PCLO: variants seen among roughly 807,000 people sequenced by gnomAD.
PCLO encodes piccolo presynaptic cytomatrix protein.
Under a neutral mutation model 427.5 loss-of-function variants are expected in PCLO, and 82 were observed. The ratio of observed to expected loss-of-function variants is 0.19; its 90% CI spans 0.16 to 0.23. The LOEUF is 0.23. Ranked by LOEUF, PCLO falls within the 10% of genes least tolerant of loss-of-function variation. PCLO has a pLI of 1.00. For missense variants in PCLO, 6,239 were observed against 6,115.9 expected (o/e 1.02, Z -0.67); for synonymous variants, 2,357 against 2,155.4 (o/e 1.09, Z -2.59).
chr7:83,130,773 C>A (rs1229059847), intron 3 of PCLO, among the ~76,000 whole-genome samples: 1 of 152,124 alleles, frequency 6.6e-6, no homozygotes, highest in African/African-American at 2.4e-5. Context: ...CTCAAAAAAT[C>A]TCAGTTACAT....
At chr7:82,862,887 G>A (rs1272033296) in intron 10 of PCLO, among the ~76,000 whole-genome samples, 1 of 151,928 alleles carries the variant, frequency 6.6e-6, no homozygotes, top group East Asian at 1.9e-4. Flanking sequence ...GGAAGGTGGG[G>A]ATGGTTAAAG....
chr7:82,835,628 T>G, intron 16 of PCLO, 39 bp downstream of exon 16: 1 of 1,570,724 alleles, frequency 6.4e-7, no homozygotes, highest in Non-Finnish European at 8.7e-7. Context: ...ATTCAAGACA[T>G]AGCAGCAGAG....
Position 82,902,412 on chromosome 7 carries a change from A to G in PCLO, c.13528+239T>C, listed in dbSNP as rs1308284972. Among the ~76,000 whole-genome samples, 8 of 150,268 alleles carry G rather than the reference A, an allele frequency of 5.3e-5. No homozygotes were observed. In the East Asian group the frequency reaches 1.6e-3, roughly 30 times the overall value. ...GGACACAGGGCGGGGAACATCACAC[A>G]CTGGGGCCTGTTGTGGGGTGAGGGA... On this transcript the variant is annotated intron_variant, in intron 9 of 24. Transcript: ENST00000333891.
chr7:82,761,870 T>C (rs1232950851), intron 22 of PCLO, among the ~76,000 whole-genome samples: 1 of 152,042 alleles, frequency 6.6e-6, no homozygotes, highest in Non-Finnish European at 1.5e-5. Context: ...TATGAAGAAA[T>C]GCATGTAGAT....
rs770675603 is a variant in PCLO at position 82,954,768 on chromosome 7, T to C, written c.6185A>G (p.Asp2062Gly). The C allele has an allele frequency of 2.9e-5, 46 of 1,613,726 alleles. No homozygotes were observed. The highest frequency in any genetic ancestry group is 3.7e-5 in the Non-Finnish European group (44 of 1,179,824). ...CTTCATAAGTTCTTCATAGGCAGCA[T>C]CAGCATCTAGTAGTTTCCTTTCTTC... ...TEEERKLLDA[D>G]AAYEELMKRQ... Residue 2062 changes from aspartate (D) to glycine (G), a missense_variant, in exon 5 of 25, where the codon GAT becomes GGT. Physicochemically the swap from Asp to Gly is moderately conservative, Grantham distance 94. Coordinates refer to ENST00000333891, the MANE Select transcript of PCLO (RefSeq NM_033026.6).
intron 9 of PCLO, among the ~76,000 whole-genome samples, chr7:82,889,311 G>A (rs1385545438): frequency 6.6e-6 from 1 of 152,018 alleles, no homozygotes; most frequent in Admixed American, 6.6e-5. Flanking sequence ...AGGACAGGCA[G>A]GAATCTCTCC....
intron 3 of PCLO, among the ~76,000 whole-genome samples, chr7:82,981,402 A>G (rs1796143365): frequency 6.6e-6 from 1 of 152,138 alleles, no homozygotes; most frequent in South Asian, 2.1e-4. Context: ...ATTAAACAGG[A>G]TCATTCAAAA....
chr7:83,084,478 A>G (rs2116410916), intron 3 of PCLO, among the ~76,000 whole-genome samples: 1 of 152,258 alleles, frequency 6.6e-6, no homozygotes, highest in East Asian at 1.9e-4. Context: ...CATTCTGCCT[A>G]TATAATGGTT....
intron 22 of PCLO, among the ~76,000 whole-genome samples, chr7:82,787,575 T>C (rs1269779421): frequency 6.6e-6 from 1 of 152,148 alleles, no homozygotes. Context: ...ACTTTAGTTC[T>C]ACAAAAGTTT....
At chr7:82,922,488 C>G (rs550876774) in intron 6 of PCLO, among the ~76,000 whole-genome samples, 4 of 151,966 alleles carry the variant, frequency 2.6e-5, no homozygotes, top group Admixed American at 6.6e-5. Context: ...AATACAGGAA[C>G]AGAAAACCAA....
At chr7:82,960,684 A>G (rs1357840069) in intron 4 of PCLO, among the ~76,000 whole-genome samples, 1 of 152,196 alleles carries the variant, frequency 6.6e-6, no homozygotes, top group Non-Finnish European at 1.5e-5. Flanking sequence ...ATGCTATTCA[A>G]CAAACATTTT....
At position 82,950,130 on chromosome 7, in the gene PCLO, A is replaced by G; in HGVS notation, c.10458T>C (p.Thr3486=). Residue 3486 remains threonine, a synonymous_variant, in exon 6 of 25, where the codon ACT becomes ACC. Transcript: ENST00000333891. The stretch of plus-strand genomic sequence containing the variant: ...CTACACGAGCTTTCCTCCTTGATCT[A>G]GTAGGCATATCCCACTCATCCTGAT... ...DEDQDEWDMP[T]RSRRKARVGK... 1.9e-6 allele frequency: 3 copies of G among 1,609,946 alleles called. No individual in the cohort carries two copies. The highest frequency in any genetic ancestry group is 2.2e-5 in the East Asian group (1 of 44,716).
Position 82,950,766 on chromosome 7 carries a change from C to T in PCLO, c.9822G>A (p.Glu3274=), listed in dbSNP as rs1584202510. 2 of 1,613,842 alleles carry T rather than the reference C, an allele frequency of 1.2e-6. No individual in the cohort carries two copies. Among genetic ancestry groups the T allele is most frequent in the Non-Finnish European group, 8.5e-7 (1 of 1,179,854 alleles). Reference sequence around the variant, plus strand: ...GCCTCATCATGAACTGGGCTTGCCGCTCTTCTTCTTGCTGAAAGAGAAGGT... The same window carrying T: ...GCCTCATCATGAACTGGGCTTGCCGTTCTTCTTCTTGCTGAAAGAGAAGGT... ...KQHLLFQQEE[E]RQAQFMMRQE... The change falls in exon 6 of 25, where the codon GAG becomes GAA. Residue 3274 remains glutamate, a synonymous_variant. Transcript: ENST00000333891.
Position 83,047,277 on chromosome 7 carries a change from A to C in PCLO, c.3301-80790T>G, listed in dbSNP as rs529825463. On this transcript the variant is annotated intron_variant, in intron 3 of 24. Coordinates refer to ENST00000333891, the MANE Select transcript of PCLO (RefSeq NM_033026.6). ...TGAGAGAATTGCTTATCATCTACCT[A>C]CAAATGAATATATCTTTATATGTAC... is the stretch of plus-strand genomic sequence containing the variant. Among the ~76,000 whole-genome samples, 12 of 152,176 alleles carry C rather than the reference A, an allele frequency of 7.9e-5. No homozygotes were observed. The South Asian group carries it at 2.3e-3, about 29-fold the overall frequency.
chr7:82,783,974 C>T lies in PCLO; in HGVS notation c.15007+17544G>A, dbSNP rs182263044. 8.4e-4 allele frequency among the ~76,000 whole-genome samples: 110 copies of T among 131,408 alleles called. 2 individuals are homozygous for T. The East Asian group carries it at 0.011, about 14-fold the overall frequency. 86.2% of individuals were successfully genotyped at this position (131,408 alleles called of 152,430 possible). A position where few individuals can be genotyped will look rare whatever the true frequency, so the allele number is the denominator to read the frequency against. ...ATATAGACACATACATACATGAATC[C>T]GGAAGAAATAGGCAAATTCTTAGCC... On this transcript the variant is annotated intron_variant, in intron 22 of 24. Coordinates refer to ENST00000333891, the MANE Select transcript of PCLO (RefSeq NM_033026.6).
At chr7:82,991,805 A>T (rs1796382275) in intron 3 of PCLO, among the ~76,000 whole-genome samples, 2 of 152,178 alleles carry the variant, frequency 1.3e-5, no homozygotes, top group Non-Finnish European at 1.5e-5. Flanking sequence ...CATAATGCAA[A>T]TATAAAATAT....
rs189163156 is a variant in PCLO at position 83,052,053 on chromosome 7, C to A, written c.3300+82197G>T. ...AAATAACCCAAAAACAGATCAAAGA[C>A]CTAAAAGTAAAATGTAAAATGATAA... On this transcript the variant is annotated intron_variant, in intron 3 of 24. Transcript: ENST00000333891. Among the ~76,000 whole-genome samples the A allele has an allele frequency of 1.7e-3, 253 of 150,576 alleles. 2 individuals carry two copies. Among genetic ancestry groups the A allele is most frequent in the African/African-American group, 6.1e-3 (246 of 40,372 alleles).
chr7:83,013,710 A>T (rs977575222), intron 3 of PCLO, among the ~76,000 whole-genome samples: 1 of 152,226 alleles, frequency 6.6e-6, no homozygotes, highest in South Asian at 2.1e-4. Flanking sequence ...GAGACAATAT[A>T]TGGAAATGTA....
At chr7:83,000,359 A>T (rs79843729) in intron 3 of PCLO, among the ~76,000 whole-genome samples, 2,232 of 151,954 alleles carry the variant, frequency 0.015, 62 homozygotes, top group African/African-American at 0.051. Flanking sequence ...TACAAAGTAA[A>T]GGAGAAATAA....
Sources: gnomAD v4.1 joint callset for allele counts (sites outside exome capture counted in the v4.1 genomes callset) on GRCh38, gnomAD v4.1.1 for gene constraint, MANE v1.5 for transcripts, NCBI Gene and HGNC (gene_info 2026-07-23, HGNC 2026-07-21) for gene names.